Variants in STAG1 observed in about 807,000 individuals in gnomAD.
STAG1 encodes the protein cohesin subunit SA-1.
In STAG1, 26 loss-of-function variants were observed where a neutral mutation model predicts 170.9. That is an observed-to-expected ratio of 0.15 (90% CI 0.11 to 0.21). The LOEUF (loss-of-function observed/expected upper bound fraction) is 0.21, where lower values mean the gene tolerates loss of function less well. Among genes scored for constraint, STAG1 ranks in the 10% least tolerant of loss-of-function variants. STAG1 has a pLI of 1.00. For missense variants in STAG1, 964 were observed against 1,509.5 expected (o/e 0.64, Z 5.99); for synonymous variants, 514 against 497.7 (o/e 1.03, Z -0.44).
chr3:136,592,479 CTCTTT>C (rs1470618841), intron 4 of STAG1, among the ~76,000 whole-genome samples: 1 of 152,200 alleles, frequency 6.6e-6, no homozygotes, highest in Non-Finnish European at 1.5e-5. Context: ...TCAATGAAAT[CTCTTT>C]TCTTTATAAA....
intron 2 of STAG1, among the ~76,000 whole-genome samples, chr3:136,627,225 T>TAA (rs1940145110): frequency 6.6e-6 from 1 of 152,206 alleles, no homozygotes; most frequent in Admixed American, 6.5e-5. Context: ...GTTTAATTAT[T>TAA]AAGACATAAG....
Position 136,523,232 on chromosome 3 carries a change from C to A in STAG1, c.472-1815G>T, listed in dbSNP as rs76593028. ...TCTCCCCATCCTCTTCAGTACCTGT[C>A]ATTTCCCGGCTTTTTAATGATTGCC... On this transcript the variant is annotated intron_variant, in intron 6 of 33. Transcript: ENST00000383202. Among the ~76,000 whole-genome samples, 6 of 152,188 alleles carry A rather than the reference C, an allele frequency of 3.9e-5. No individual in the cohort carries two copies. In the East Asian group the frequency reaches 9.6e-4, roughly 24 times the overall value.
chr3:136,670,368 T>A (rs376300463), intron 1 of STAG1, among the ~76,000 whole-genome samples: 21 of 152,222 alleles, frequency 1.4e-4, no homozygotes, highest in Non-Finnish European at 2.6e-4. Flanking sequence ...GTAGAACTCA[T>A]GCATTTCCAA....
chr3:136,521,120 ATTTTT>A, intron 7 of STAG1, 88 bp downstream of exon 7: 2 of 1,067,308 alleles, frequency 1.9e-6, no homozygotes, highest in Non-Finnish European at 2.7e-6. Flanking sequence ...TTCTAATTAA[ATTTTT>A]AATTAAATCT....
At chr3:136,376,769 C>T (rs1937624708) in intron 23 of STAG1, among the ~76,000 whole-genome samples, 1 of 151,964 alleles carries the variant, frequency 6.6e-6, no homozygotes, top group Non-Finnish European at 1.5e-5. Flanking sequence ...TCCCCAGACC[C>T]TCAATATTCT....
chr3:136,717,515 T>C (rs1490452784), intron 1 of STAG1, among the ~76,000 whole-genome samples: 1 of 152,028 alleles, frequency 6.6e-6, no homozygotes, highest in East Asian at 1.9e-4. Context: ...AATACAAAAA[T>C]TAACCGAGTG....
At chr3:136,512,853 A>G (rs1258650181) in intron 7 of STAG1, among the ~76,000 whole-genome samples, 3 of 152,198 alleles carry the variant, frequency 2.0e-5, no homozygotes, top group African/African-American at 4.8e-5. Flanking sequence ...TCTGCTATTG[A>G]GCTTTTTAGT....
At chr3:136,618,372 A>G (rs1939691315) in intron 3 of STAG1, among the ~76,000 whole-genome samples, 1 of 152,216 alleles carries the variant, frequency 6.6e-6, no homozygotes, top group Admixed American at 6.5e-5. Context: ...CCAAGTGTGC[A>G]CTCACCATTG....
chr3:136,477,254 T>C, intron 10 of STAG1, 35 bp downstream of exon 10: 1 of 1,566,130 alleles, frequency 6.4e-7, no homozygotes, highest in Non-Finnish European at 8.6e-7. Context: ...GAGACAAACA[T>C]AACTTCCATC....
intron 9 of STAG1, among the ~76,000 whole-genome samples, chr3:136,491,923 C>G (rs1443184695): frequency 6.6e-6 from 1 of 152,120 alleles, no homozygotes; most frequent in East Asian, 1.9e-4. Context: ...ACCCAGGAGG[C>G]GGGGGCTGGA....
chr3:136,408,883 G>A (rs572234344), intron 21 of STAG1, among the ~76,000 whole-genome samples: 1 of 152,302 alleles, frequency 6.6e-6, no homozygotes, highest in Admixed American at 6.5e-5. Context: ...TCAGAAGTAT[G>A]TAACTAAAAT....
chr3:136,638,341 G>A (rs866685090), intron 1 of STAG1, among the ~76,000 whole-genome samples: 1 of 151,634 alleles, frequency 6.6e-6, no homozygotes, highest in Admixed American at 6.6e-5. Flanking sequence ...CACCATATTT[G>A]TCAGGCTGGT....
chr3:136,604,220 T>C, intron 4 of STAG1, 89 bp downstream of exon 4: 2 of 1,174,018 alleles, frequency 1.7e-6, no homozygotes, highest in South Asian at 3.8e-5. Context: ...TCAACAGAAG[T>C]ATATAAAGTG....
chr3:136,528,669 G>C (rs1179959631), intron 6 of STAG1, among the ~76,000 whole-genome samples: 1 of 152,088 alleles, frequency 6.6e-6, no homozygotes, highest in Non-Finnish European at 1.5e-5. Flanking sequence ...AAGGAACCAA[G>C]TCAGGCGCAG....
chr3:136,447,993 C>G (rs1559807046), intron 14 of STAG1, among the ~76,000 whole-genome samples: 3 of 152,098 alleles, frequency 2.0e-5, no homozygotes, highest in Non-Finnish European at 4.4e-5. Context: ...TCAAGTACGA[C>G]TTATCCAACT....
At chr3:136,660,740 G>A (rs559915815) in intron 1 of STAG1, among the ~76,000 whole-genome samples, 1 of 152,106 alleles carries the variant, frequency 6.6e-6, no homozygotes, top group South Asian at 2.1e-4. Context: ...AGGCTAAGGT[G>A]GGAGAATCAC....
intron 1 of STAG1, among the ~76,000 whole-genome samples, chr3:136,719,634 G>C (rs1933093149): frequency 9.2e-6 from 1 of 108,554 alleles, no homozygotes; most frequent in South Asian, 3.2e-4. Flanking sequence ...TGGCTGGGTA[G>C]GTGGGTAGGT....
intron 1 of STAG1, among the ~76,000 whole-genome samples, chr3:136,738,150 CCAGGGATGGGAG>C (rs376871112): frequency 1.5e-3 from 232 of 152,028 alleles, no homozygotes; most frequent in African/African-American, 5.4e-3. Flanking sequence ...ATGGTGGTTA[CCAGGGATGGGAG>C]CAGGGATGGG....
chr3:136,664,551 C>T (rs1941688375), intron 1 of STAG1, among the ~76,000 whole-genome samples: 1 of 152,196 alleles, frequency 6.6e-6, no homozygotes, highest in East Asian at 1.9e-4. Flanking sequence ...CTATTACTAA[C>T]ACCAATGGAG....
Sources: gnomAD v4.1 joint callset for allele counts (sites outside exome capture counted in the v4.1 genomes callset) on GRCh38, gnomAD v4.1.1 for gene constraint, MANE v1.5 for transcripts, NCBI Gene and HGNC (gene_info 2026-07-23, HGNC 2026-07-21) for gene names.